Variants in ELMO1 observed in about 807,000 individuals in gnomAD.
The protein encoded by ELMO1 is engulfment and cell motility protein 1.
A neutral mutation model predicts 98.9 loss-of-function variants in ELMO1; 26 were observed. The ratio of observed to expected loss-of-function variants is 0.26; its 90% CI spans 0.19 to 0.36. ELMO1 has a LOEUF of 0.36. Ranked by LOEUF, ELMO1 falls within the 10% of genes least tolerant of loss-of-function variation. ELMO1 has a pLI of 1.00. For synonymous variants in ELMO1, 346 were observed against 346.0 expected, an observed-to-expected ratio of 1.00 and a Z score of 0.00; for missense variants, 627 against 935.2, an observed-to-expected ratio of 0.67 and a Z score of 4.30.
Position 37,225,141 on chromosome 7 carries a change from G to C in ELMO1, c.550-111C>G, listed in dbSNP as rs1793796363. 1.1e-5 allele frequency: 14 copies of C among 1,297,516 alleles called. No individual in the cohort carries two copies. In the South Asian group the frequency reaches 2.0e-4, roughly 18 times the overall value. The allele number at this position is 1,297,516 out of a possible 1,614,324, so 80.4% of individuals were successfully genotyped here. A position where few individuals can be genotyped will look rare whatever the true frequency, so the allele number is the denominator to read the frequency against. On this transcript the variant is annotated intron_variant, in intron 8 of 21. Coordinates refer to ENST00000310758, the MANE Select transcript of ELMO1 (RefSeq NM_014800.11). ...ACTCATTTAAGAAACACCAGGCACT[G>C]AGGATGACCTGGAATTACAGCAAAA...
chr7:36,981,417 A>G (rs889235780), intron 16 of ELMO1, among the ~76,000 whole-genome samples: 4 of 152,070 alleles, frequency 2.6e-5, no homozygotes, highest in Admixed American at 1.3e-4. Flanking sequence ...TATTGAAGGC[A>G]CGGATTTGAA....
At chr7:37,424,047 G>T (rs1269980338) in intron 1 of ELMO1, among the ~76,000 whole-genome samples, 1 of 152,132 alleles carries the variant, frequency 6.6e-6, no homozygotes, top group Non-Finnish European at 1.5e-5. Flanking sequence ...GTGGAATGCA[G>T]ATCAAGGTCC....
At chr7:37,276,873 T>A (rs1017276756) in intron 4 of ELMO1, among the ~76,000 whole-genome samples, 1 of 152,202 alleles carries the variant, frequency 6.6e-6, no homozygotes, top group African/African-American at 2.4e-5. Context: ...ACTTTTTTTA[T>A]CCTATTCAGT....
intron 15 of ELMO1, among the ~76,000 whole-genome samples, chr7:37,083,191 G>A (rs1472141333): frequency 6.6e-6 from 1 of 152,098 alleles, no homozygotes; most frequent in East Asian, 1.9e-4. Context: ...AGTGGCTCTT[G>A]CCACCCCAGA....
At chr7:37,317,173 G>A (rs1404933022) in intron 2 of ELMO1, among the ~76,000 whole-genome samples, 4 of 152,034 alleles carry the variant, frequency 2.6e-5, no homozygotes, top group East Asian at 1.9e-4. Flanking sequence ...TGCTATCTAC[G>A]CCTGCTCCAT....
At chr7:36,946,248 C>A (rs1399760205) in intron 16 of ELMO1, among the ~76,000 whole-genome samples, 1 of 152,226 alleles carries the variant, frequency 6.6e-6, no homozygotes, top group Non-Finnish European at 1.5e-5. Context: ...ATTTACATTT[C>A]ATCTGTGCCA....
intron 1 of ELMO1, among the ~76,000 whole-genome samples, chr7:37,343,819 C>T (rs1800847108): frequency 6.6e-6 from 1 of 152,046 alleles, no homozygotes; most frequent in South Asian, 2.1e-4. Context: ...TCATGTGATA[C>T]AAACTTGTGT....
intron 16 of ELMO1, among the ~76,000 whole-genome samples, chr7:36,991,192 G>T (rs377317559): frequency 1.3e-5 from 2 of 152,188 alleles, no homozygotes; most frequent in South Asian, 2.1e-4. Flanking sequence ...AACAGTTAGG[G>T]TGTATATGCA....
intron 14 of ELMO1, among the ~76,000 whole-genome samples, chr7:37,129,585 C>T (rs1786766154): frequency 6.6e-6 from 1 of 152,210 alleles, no homozygotes; most frequent in African/African-American, 2.4e-5. Context: ...AGGCAGAAAC[C>T]TCCCTCTTCC....
intron 1 of ELMO1, among the ~76,000 whole-genome samples, chr7:37,363,153 G>A (rs1801762074): frequency 6.6e-6 from 1 of 152,098 alleles, no homozygotes; most frequent in Admixed American, 6.5e-5. Context: ...AGGGCCCTCT[G>A]ATGACTTCAG....
intron 4 of ELMO1, among the ~76,000 whole-genome samples, chr7:37,304,382 T>G (rs1798497989): frequency 6.6e-6 from 1 of 152,122 alleles, no homozygotes; most frequent in African/African-American, 2.4e-5. Context: ...TGTGTACATA[T>G]GCACTTCAAT....
intron 14 of ELMO1, among the ~76,000 whole-genome samples, chr7:37,126,300 AATATATATATATATAT>A (rs201860679): frequency 7.5e-6 from 1 of 134,120 alleles, no homozygotes; most frequent in East Asian, 2.2e-4. Flanking sequence ...GTATAATTTA[AATATATATATATATAT>A]ATATATATAT....
At chr7:37,185,022 T>G (rs1264435796) in intron 13 of ELMO1, among the ~76,000 whole-genome samples, 2 of 152,248 alleles carry the variant, frequency 1.3e-5, no homozygotes, top group African/African-American at 4.8e-5. Flanking sequence ...GTCTGTCTAT[T>G]ATAACTAGAC....
chr7:37,014,762 C>T (rs1395256453), intron 15 of ELMO1, among the ~76,000 whole-genome samples: 1 of 151,758 alleles, frequency 6.6e-6, no homozygotes, highest in Non-Finnish European at 1.5e-5. Context: ...AAGGTCAATT[C>T]ATCCTCAAGG....
chr7:37,254,766 G>T (rs553141397), intron 6 of ELMO1, among the ~76,000 whole-genome samples: 3 of 152,184 alleles, frequency 2.0e-5, no homozygotes, highest in Admixed American at 6.5e-5. Flanking sequence ...TATGCAGTGC[G>T]TGACTGTAGT....
At chr7:36,976,755 T>G (rs1457718575) in intron 16 of ELMO1, among the ~76,000 whole-genome samples, 1 of 152,232 alleles carries the variant, frequency 6.6e-6, no homozygotes, top group African/African-American at 2.4e-5. Context: ...AGTTGCAAGA[T>G]GATCAGTTTT....
At chr7:37,431,590 C>T (rs1386236924) in intron 1 of ELMO1, among the ~76,000 whole-genome samples, 3 of 152,288 alleles carry the variant, frequency 2.0e-5, no homozygotes, top group East Asian at 3.9e-4. Context: ...ACTGGCTCAA[C>T]TAGAATGAAA....
At chr7:37,163,139 TAC>T in intron 13 of ELMO1, among the ~76,000 whole-genome samples, 1 of 152,294 alleles carries the variant, frequency 6.6e-6, no homozygotes, top group East Asian at 1.9e-4. Flanking sequence ...CAGTTACAAA[TAC>T]AGATATCTTT....
intron 15 of ELMO1, among the ~76,000 whole-genome samples, chr7:37,045,440 A>T (rs1795745448): frequency 6.6e-6 from 1 of 152,206 alleles, no homozygotes; most frequent in South Asian, 2.1e-4. Flanking sequence ...CCTGTTGCCC[A>T]GAACTTATAT....
Sources: gnomAD v4.1 joint callset for allele counts (sites outside exome capture counted in the v4.1 genomes callset) on GRCh38, gnomAD v4.1.1 for gene constraint, MANE v1.5 for transcripts, NCBI Gene and HGNC (gene_info 2026-07-23, HGNC 2026-07-21) for gene names.